The following PPARGC1A variants were observed in gnomAD, a reference collection of about 807,000 sequenced individuals.
PPARGC1A encodes peroxisome proliferator-activated receptor gamma coactivator 1-alpha.
In PPARGC1A, 25 loss-of-function variants were observed where a neutral mutation model predicts 88.7. That is an observed-to-expected ratio of 0.28 (90% CI 0.21 to 0.39). PPARGC1A has a LOEUF of 0.39. Among genes scored for constraint, PPARGC1A ranks in the 10% least tolerant of loss-of-function variants. PPARGC1A has a pLI of 1.00. For synonymous variants in PPARGC1A, 363 were observed against 355.6 expected (o/e 1.02, Z -0.24); for missense variants, 880 against 968.7 (o/e 0.91, Z 1.22).
chr4:23,933,894 A>G, the PPARGC1A span, among the ~76,000 whole-genome samples: 2 of 152,238 alleles, frequency 1.3e-5, no homozygotes, highest in South Asian at 4.1e-4. Context: ...AGGCACCATG[A>G]CTTCAGGAAA....
At chr4:23,953,707 C>T in the PPARGC1A span, among the ~76,000 whole-genome samples, 3 of 151,978 alleles carry the variant, frequency 2.0e-5, no homozygotes, top group African/African-American at 4.8e-5. Flanking sequence ...ATTACTAATG[C>T]CCACTGACAG....
the PPARGC1A span, among the ~76,000 whole-genome samples, chr4:24,315,852 G>A: frequency 6.6e-6 from 1 of 152,150 alleles, no homozygotes. Flanking sequence ...AGACTGCCAG[G>A]TCCTTTCCGG....
chr4:24,070,086 A>G, the PPARGC1A span, among the ~76,000 whole-genome samples: 2 of 152,184 alleles, frequency 1.3e-5, no homozygotes, highest in Admixed American at 6.5e-5. Flanking sequence ...TGCCATTCAT[A>G]TAAGGGATTA....
At chr4:24,247,203 C>G in the PPARGC1A span, among the ~76,000 whole-genome samples, 1 of 152,046 alleles carries the variant, frequency 6.6e-6, no homozygotes, top group South Asian at 2.1e-4. Context: ...CCCACCACCC[C>G]CCAAAAAGAA....
At chr4:24,185,968 A>G in the PPARGC1A span, among the ~76,000 whole-genome samples, 1 of 152,012 alleles carries the variant, frequency 6.6e-6, no homozygotes, top group Non-Finnish European at 1.5e-5. Context: ...CTACTTACAC[A>G]TATTTGGAAA....
the PPARGC1A span, among the ~76,000 whole-genome samples, chr4:24,461,734 T>TA: frequency 6.6e-6 from 1 of 152,084 alleles, no homozygotes; most frequent in Non-Finnish European, 1.5e-5. Context: ...TAACACAATT[T>TA]AAAAAAACTC....
At chr4:24,322,065 A>C in the PPARGC1A span, among the ~76,000 whole-genome samples, 2 of 152,236 alleles carry the variant, frequency 1.3e-5, no homozygotes, top group East Asian at 3.8e-4. Flanking sequence ...TTCCCCAAGA[A>C]GGCTTGCAAG....
the PPARGC1A span, among the ~76,000 whole-genome samples, chr4:24,065,364 G>A: frequency 1.3e-5 from 2 of 152,084 alleles, no homozygotes; most frequent in Non-Finnish European, 2.9e-5. Flanking sequence ...ATCAACGGGA[G>A]CCCTGACATA....
At chr4:24,311,228 T>A in the PPARGC1A span, among the ~76,000 whole-genome samples, 1 of 146,714 alleles carries the variant, frequency 6.8e-6, no homozygotes, top group Admixed American at 6.8e-5. Context: ...GCCTCCAGAG[T>A]AGCTGGGACT....
the PPARGC1A span, among the ~76,000 whole-genome samples, chr4:23,913,267 T>TATATATATATAG: frequency 2.6e-5 from 2 of 77,532 alleles, no homozygotes; most frequent in African/African-American, 1.1e-4. Flanking sequence ...TATATATATA[T>TATATATATATAG]AGAGAGAGAG....
At chr4:24,439,695 G>A in the PPARGC1A span, among the ~76,000 whole-genome samples, 1 of 152,212 alleles carries the variant, frequency 6.6e-6, no homozygotes, top group Non-Finnish European at 1.5e-5. Context: ...AGTAGGCATA[G>A]GGATTCTGCG....
upstream of PPARGC1A, chr4:23,890,189 A>G (rs1717614883): frequency 1.3e-6 from 1 of 768,850 alleles, no homozygotes; most frequent in Non-Finnish European, 1.8e-6. Context: ...ACTCAAAGGC[A>G]GCCCTCTGCT....
chr4:23,919,547 T>TA, the PPARGC1A span, among the ~76,000 whole-genome samples: 1,292 of 75,254 alleles, frequency 0.017, 18 homozygotes, highest in African/African-American at 0.088. Flanking sequence ...GAGTAGTTCT[T>TA]AAAAAAAAAA....
At chr4:24,207,682 C>T in the PPARGC1A span, among the ~76,000 whole-genome samples, 6 of 152,278 alleles carry the variant, frequency 3.9e-5, no homozygotes, top group South Asian at 2.1e-4. Context: ...GATTTACTGA[C>T]GTTTTTGATG....
chr4:23,877,537 C>CAAAAAAA (rs11354781), intron 2 of PPARGC1A, among the ~76,000 whole-genome samples: 4 of 49,868 alleles, frequency 8.0e-5, no homozygotes, highest in Non-Finnish European at 9.6e-5. Flanking sequence ...GACTCCATCT[C>CAAAAAAA]AAAAAAAAAA....
the PPARGC1A span, among the ~76,000 whole-genome samples, chr4:24,247,196 A>C: frequency 6.6e-6 from 1 of 152,056 alleles, no homozygotes; most frequent in Non-Finnish European, 1.5e-5. Flanking sequence ...CTCTCGACCC[A>C]CCACCCCCCA....
intron 10 of PPARGC1A, among the ~76,000 whole-genome samples, chr4:23,808,266 A>C (rs1460554623): frequency 1.3e-5 from 2 of 151,764 alleles, no homozygotes; most frequent in Non-Finnish European, 2.9e-5. Flanking sequence ...AAAAAAAAAA[A>C]AACCCTGAGT....
chr4:23,898,379 G>T (rs975617161), intron 1 of PPARGC1A, among the ~76,000 whole-genome samples: 1 of 152,174 alleles, frequency 6.6e-6, no homozygotes, highest in African/African-American at 2.4e-5. Flanking sequence ...AGACCAACCA[G>T]CTTGGAGGTT....
the PPARGC1A span, among the ~76,000 whole-genome samples, chr4:24,122,466 T>C: frequency 4.1e-3 from 613 of 151,132 alleles, 12 homozygotes; most frequent in East Asian, 0.068. Flanking sequence ...GAGAGATCTA[T>C]ATAAATTTTG....
Sources: allele counts gnomAD v4.1 joint callset (sites outside exome capture counted in the v4.1 genomes callset), GRCh38; gene constraint gnomAD v4.1.1; transcripts MANE v1.5; gene names NCBI Gene and HGNC (gene_info 2026-07-23, HGNC 2026-07-21).